KCND2: variants seen among roughly 807,000 people sequenced by gnomAD.
KCND2 encodes the protein potassium voltage-gated channel subfamily D member 2, also known as A-type voltage-gated potassium channel KCND2.
In KCND2, 16 loss-of-function variants were observed where a neutral mutation model predicts 54.4. The observed-to-expected ratio is 0.29, with a 90% confidence interval of 0.20 to 0.45. KCND2 has a LOEUF of 0.45. Ranked by LOEUF, KCND2 falls within the 20% of genes least tolerant of loss-of-function variation. The probability of loss-of-function intolerance (pLI) is 1.00; values close to 1 mark genes in which losing one functional copy is unlikely to be tolerated. For missense variants in KCND2, 486 were observed against 824.2 expected (o/e 0.59, Z 5.02); for synonymous variants, 317 against 310.7 (o/e 1.02, Z -0.21).
chr7:120,622,134 TC>T (rs1183586232), intron 1 of KCND2, among the ~76,000 whole-genome samples: 9 of 152,210 alleles, frequency 5.9e-5, no homozygotes, highest in Middle Eastern at 3.4e-3. Context: ...ATGTCACTTA[TC>T]CCAAAATAAA....
chr7:120,463,653 T>C (rs2116244566), intron 1 of KCND2, among the ~76,000 whole-genome samples: 1 of 152,234 alleles, frequency 6.6e-6, no homozygotes, highest in East Asian at 1.9e-4. Context: ...TAGCAGCCAC[T>C]GTATTTGATT....
In KCND2 at chr7:120,686,590, C is replaced by T. The variant is rs72603601; in HGVS notation, c.1116-46313C>T. 6.7e-3 allele frequency among the ~76,000 whole-genome samples: 1,014 copies of T among 152,130 alleles called. 48 individuals are homozygous for T. In the East Asian group the frequency reaches 0.13, roughly 20 times the overall value. On this transcript the variant is annotated intron_variant, in intron 1 of 5. Coordinates refer to ENST00000331113, the MANE Select transcript of KCND2 (RefSeq NM_012281.3). The stretch of plus-strand genomic sequence containing the variant: ...CAAGAACAAGAGGAAATAAAGTACA[C>T]GTGGAAGAGAGCAAAGTGGGGGACT...
intron 1 of KCND2, among the ~76,000 whole-genome samples, chr7:120,409,305 T>C (rs1801412758): frequency 6.6e-6 from 1 of 151,960 alleles, no homozygotes; most frequent in Non-Finnish European, 1.5e-5. Flanking sequence ...CCTCAGATTG[T>C]TTATCAATTT....
intron 1 of KCND2, among the ~76,000 whole-genome samples, chr7:120,699,318 G>C (rs10487401): frequency 0.06 from 9,106 of 151,888 alleles, 762 homozygotes; most frequent in East Asian, 0.42. Flanking sequence ...TGAATAATAT[G>C]TCCAAATTAT....
intron 1 of KCND2, among the ~76,000 whole-genome samples, chr7:120,278,202 A>G (rs1192655197): frequency 1.3e-5 from 2 of 151,968 alleles, no homozygotes; most frequent in Non-Finnish European, 2.9e-5. Context: ...GAAGAAACAG[A>G]TTCTTATAAG....
intron 1 of KCND2, among the ~76,000 whole-genome samples, chr7:120,448,759 G>C (rs1241908465): frequency 6.6e-6 from 1 of 152,084 alleles, no homozygotes. Context: ...GGGATGCAAG[G>C]CTGGTTCAAC....
intron 1 of KCND2, among the ~76,000 whole-genome samples, chr7:120,656,479 G>A (rs955363508): frequency 3.3e-5 from 5 of 152,134 alleles, no homozygotes. Context: ...TGGTAAAAAC[G>A]GATCTTTCCA....
At chr7:120,724,536 G>A (rs543095313) in intron 1 of KCND2, among the ~76,000 whole-genome samples, 3 of 152,168 alleles carry the variant, frequency 2.0e-5, no homozygotes, top group Non-Finnish European at 4.4e-5. Flanking sequence ...GGTGTATGTG[G>A]GTGAACAGTG....
At chr7:120,351,289 T>C (rs1309414285) in intron 1 of KCND2, among the ~76,000 whole-genome samples, 2 of 146,350 alleles carry the variant, frequency 1.4e-5, no homozygotes, top group Admixed American at 6.9e-5. Flanking sequence ...TTTCAGGTTA[T>C]ATATTATGTA....
chr7:120,617,928 A>G (rs1793048734), intron 1 of KCND2, among the ~76,000 whole-genome samples: 1 of 152,196 alleles, frequency 6.6e-6, no homozygotes, highest in Non-Finnish European at 1.5e-5. Context: ...AAACTACCGC[A>G]TGTTCTCACT....
intron 1 of KCND2, among the ~76,000 whole-genome samples, chr7:120,435,270 C>CTT (rs533084445): frequency 6.0e-5 from 8 of 132,864 alleles, no homozygotes; most frequent in South Asian, 2.4e-4. Flanking sequence ...CCATGCCTGG[C>CTT]TTTTTTTTTT....
At chr7:120,688,335 G>A (rs1052631194) in intron 1 of KCND2, among the ~76,000 whole-genome samples, 3 of 152,072 alleles carry the variant, frequency 2.0e-5, no homozygotes, top group Non-Finnish European at 2.9e-5. Flanking sequence ...CAGAAAAGAC[G>A]CAAGCAAACA....
chr7:120,373,043 T>G (rs1173128067), intron 1 of KCND2, among the ~76,000 whole-genome samples: 1 of 151,908 alleles, frequency 6.6e-6, no homozygotes, highest in Non-Finnish European at 1.5e-5. Flanking sequence ...AATGATACCT[T>G]TCAGTGACTT....
intron 1 of KCND2, among the ~76,000 whole-genome samples, chr7:120,606,481 A>G (rs1367455999): frequency 6.6e-6 from 1 of 151,912 alleles, no homozygotes; most frequent in Non-Finnish European, 1.5e-5. Flanking sequence ...TTGCACCTAT[A>G]TTTTCTTCTA....
intron 1 of KCND2, among the ~76,000 whole-genome samples, chr7:120,658,106 T>G (rs974343124): frequency 4.6e-5 from 7 of 152,298 alleles, no homozygotes; most frequent in Admixed American, 4.6e-4. Flanking sequence ...AGAATTTGAT[T>G]AATACATCTA....
chr7:120,545,288 A>G (rs1792029684), intron 1 of KCND2, among the ~76,000 whole-genome samples: 1 of 151,952 alleles, frequency 6.6e-6, no homozygotes, highest in African/African-American at 2.4e-5. Context: ...AAGATCAAAC[A>G]AAGCAGATAG....
At chr7:120,510,973 A>G (rs772004788) in intron 1 of KCND2, among the ~76,000 whole-genome samples, 4 of 150,164 alleles carry the variant, frequency 2.7e-5, no homozygotes, top group Non-Finnish European at 5.9e-5. Flanking sequence ...AATACTCTGC[A>G]TGGCCTCCCA....
chr7:120,693,050 GA>G (rs571211365), intron 1 of KCND2, among the ~76,000 whole-genome samples: 69 of 152,240 alleles, frequency 4.5e-4, no homozygotes, highest in Middle Eastern at 3.4e-3. Context: ...GCATAAAATA[GA>G]AACAAGAAGT....
intron 1 of KCND2, among the ~76,000 whole-genome samples, chr7:120,295,347 AAC>A (rs56748699): frequency 0.091 from 12,827 of 141,258 alleles, 568 homozygotes; most frequent in Middle Eastern, 0.15. Context: ...GTCATAGAGT[AAC>A]ACACACACAC....
Sources: gnomAD v4.1 joint callset for allele counts (sites outside exome capture counted in the v4.1 genomes callset) on GRCh38, gnomAD v4.1.1 for gene constraint, MANE v1.5 for transcripts, NCBI Gene and HGNC (gene_info 2026-07-23, HGNC 2026-07-21) for gene names.